The following ZNF618 variants were observed in gnomAD, a reference collection of about 807,000 sequenced individuals.
The protein encoded by ZNF618 is neural precursor cell expressed, developmentally down-regulated 10.
ZNF618 carries 34 observed loss-of-function variants against 103.0 expected under a neutral mutation model. That is an observed-to-expected ratio of 0.33 (90% CI 0.25 to 0.44). The LOEUF (loss-of-function observed/expected upper bound fraction) is 0.44, where lower values mean the gene tolerates loss of function less well. ZNF618 is among the 20% of genes least tolerant of loss of function. The pLI is 1.00. For synonymous variants in ZNF618, 551 were observed against 542.2 expected, an observed-to-expected ratio of 1.02 and a Z score of -0.23; for missense variants, 1,059 against 1,295.4, an observed-to-expected ratio of 0.82 and a Z score of 2.80.
chr9:114,050,097 T>A lies in ZNF618; in HGVS notation c.2795T>A (p.Ile932Asn), dbSNP rs748052801. The A allele has an allele frequency of 6.2e-7, 1 of 1,610,142 alleles. No individual in the cohort carries two copies. The highest frequency in any genetic ancestry group is 1.1e-5 in the South Asian group (1 of 91,076). ...CVNMCEQALL[I>N]KRRRLLSPED... ...AATATGTGTGAACAAGCGCTTCTAA[T>A]CAAACGGAGGCGGCTGCTCAGTCCA... The change falls in exon 15 of 15, where the codon ATC becomes AAC. Residue 932 changes from isoleucine (I) to asparagine (N), a missense_variant. By Grantham distance (149) the Ile-to-Asn change is moderately radical. Transcript: ENST00000374126.
intron 11 of ZNF618, among the ~76,000 whole-genome samples, chr9:114,032,048 C>T (rs1458180434): frequency 1.3e-5 from 2 of 152,210 alleles, no homozygotes; most frequent in Non-Finnish European, 2.9e-5. Context: ...CCCCAGTAGT[C>T]ACTCAGGGGG....
chr9:113,916,726 C>T (rs962646520), intron 1 of ZNF618, among the ~76,000 whole-genome samples: 3 of 152,188 alleles, frequency 2.0e-5, no homozygotes, highest in East Asian at 1.9e-4. Flanking sequence ...CTGTGATTCT[C>T]GTGTTGCAAG....
chr9:113,910,120 T>C (rs1327540604), intron 1 of ZNF618, among the ~76,000 whole-genome samples: 1 of 152,060 alleles, frequency 6.6e-6, no homozygotes, highest in East Asian at 1.9e-4. Context: ...CCCGCCTGGC[T>C]GCCCCTTATC....
intron 1 of ZNF618, among the ~76,000 whole-genome samples, chr9:113,935,650 C>T (rs1261984443): frequency 6.6e-6 from 1 of 152,182 alleles, no homozygotes; most frequent in Non-Finnish European, 1.5e-5. Flanking sequence ...GCCTCCTTAC[C>T]TCTACTCTTC....
At chr9:113,879,959 C>A (rs2130777067) in intron 1 of ZNF618, among the ~76,000 whole-genome samples, 1 of 152,178 alleles carries the variant, frequency 6.6e-6, no homozygotes, top group East Asian at 1.9e-4. Flanking sequence ...GATGGCTGGT[C>A]AGTATAAGGC....
At chr9:113,968,196 C>G (rs934712212) in intron 1 of ZNF618, among the ~76,000 whole-genome samples, 2 of 152,158 alleles carry the variant, frequency 1.3e-5, no homozygotes, top group Non-Finnish European at 1.5e-5. Flanking sequence ...GTAGGGTTAC[C>G]TATGCATATG....
intron 1 of ZNF618, among the ~76,000 whole-genome samples, chr9:113,897,193 T>C (rs1292873031): frequency 6.6e-6 from 1 of 152,162 alleles, no homozygotes; most frequent in African/African-American, 2.4e-5. Context: ...CTAATTACAG[T>C]TTTTCCCCCT....
chr9:113,933,347 G>C (rs2131886927), intron 1 of ZNF618, among the ~76,000 whole-genome samples: 1 of 152,322 alleles, frequency 6.6e-6, no homozygotes. Flanking sequence ...TGGTCGGGAA[G>C]GGAAAACTGA....
chr9:113,956,618 A>G (rs1836325895), intron 1 of ZNF618, among the ~76,000 whole-genome samples: 2 of 152,110 alleles, frequency 1.3e-5, no homozygotes. Flanking sequence ...CGGAAACTAC[A>G]GTTTGGTGGG....
At chr9:113,894,067 A>G (rs1829838355) in intron 1 of ZNF618, among the ~76,000 whole-genome samples, 1 of 152,232 alleles carries the variant, frequency 6.6e-6, no homozygotes, top group African/African-American at 2.4e-5. Flanking sequence ...TGTCAATTTC[A>G]TATCTATCCT....
At chr9:113,952,344 T>C (rs6478049) in intron 1 of ZNF618, among the ~76,000 whole-genome samples, 105 of 152,332 alleles carry the variant, frequency 6.9e-4, no homozygotes, top group African/African-American at 2.5e-3. Flanking sequence ...ACCCCTTCCC[T>C]GCACACTGAG....
At chr9:113,904,330 C>G (rs1830801151) in intron 1 of ZNF618, among the ~76,000 whole-genome samples, 1 of 151,946 alleles carries the variant, frequency 6.6e-6, no homozygotes, top group Non-Finnish European at 1.5e-5. Flanking sequence ...CCTCTACCTT[C>G]CTGGACATAT....
intron 1 of ZNF618, among the ~76,000 whole-genome samples, chr9:113,936,973 C>A (rs1286617430): frequency 2.6e-5 from 4 of 152,004 alleles, no homozygotes; most frequent in East Asian, 1.9e-4. Context: ...GGAGTTGAAA[C>A]TTCCTTCCCC....
intron 2 of ZNF618, among the ~76,000 whole-genome samples, chr9:113,971,464 T>C (rs1837958529): frequency 1.3e-5 from 2 of 152,172 alleles, no homozygotes; most frequent in Non-Finnish European, 2.9e-5. Flanking sequence ...CAGTGCTGTA[T>C]GCTGTGAACT....
At chr9:114,024,094 A>G (rs951290926) in intron 10 of ZNF618, among the ~76,000 whole-genome samples, 1 of 152,196 alleles carries the variant, frequency 6.6e-6, no homozygotes, top group Non-Finnish European at 1.5e-5. Flanking sequence ...GTTTACAGAT[A>G]ACTGAAGCTC....
chr9:113,979,225 T>C (rs371284605), intron 2 of ZNF618, among the ~76,000 whole-genome samples: 1 of 152,100 alleles, frequency 6.6e-6, no homozygotes, highest in African/African-American at 2.4e-5. Flanking sequence ...GGTGGGAGAA[T>C]GAAGGCTCCT....
At chr9:113,892,512 G>T (rs1487850006) in intron 1 of ZNF618, among the ~76,000 whole-genome samples, 1 of 152,138 alleles carries the variant, frequency 6.6e-6, no homozygotes, top group African/African-American at 2.4e-5. Flanking sequence ...AAATGGTTCA[G>T]ATGGTCAAAG....
At chr9:113,988,298 G>A (rs1336973753) in intron 2 of ZNF618, 23 bp from the exon 3 acceptor site, 1 of 1,601,112 alleles carries the variant, frequency 6.2e-7, no homozygotes, top group East Asian at 2.2e-5. Context: ...AGAAGGTATT[G>A]AACGGAGTTT....
chr9:113,925,149 A>C (rs898067480), intron 1 of ZNF618, among the ~76,000 whole-genome samples: 1 of 152,032 alleles, frequency 6.6e-6, no homozygotes, highest in African/African-American at 2.4e-5. Flanking sequence ...TTCTCCTTGC[A>C]GTTCTGTTTT....
Sources: gnomAD v4.1 joint callset for allele counts (sites outside exome capture counted in the v4.1 genomes callset) on GRCh38, gnomAD v4.1.1 for gene constraint, MANE v1.5 for transcripts, NCBI Gene and HGNC (gene_info 2026-07-23, HGNC 2026-07-21) for gene names.